Variants in RBMS3 observed in about 807,000 individuals in gnomAD.
The protein encoded by RBMS3 is RNA-binding motif, single-stranded-interacting protein 3.
In RBMS3, 27 loss-of-function variants were observed where a neutral mutation model predicts 66.8. That is an observed-to-expected ratio of 0.40 (90% CI 0.30 to 0.56). The LOEUF (loss-of-function observed/expected upper bound fraction) is 0.56. Among genes scored for constraint, RBMS3 ranks in the 20% least tolerant of loss-of-function variants. The pLI is 0.40. For missense variants in RBMS3, 513 were observed against 549.5 expected, an observed-to-expected ratio of 0.93 and a Z score of 0.66; for synonymous variants, 188 against 183.0, an observed-to-expected ratio of 1.03 and a Z score of -0.22.
intron 6 of RBMS3, among the ~76,000 whole-genome samples, chr3:29,821,506 G>A (rs1296221268): frequency 2.0e-5 from 3 of 152,132 alleles, no homozygotes; most frequent in Admixed American, 6.6e-5. Context: ...AAGCTGACAA[G>A]CATAGGCTTA....
chr3:29,603,018 A>G (rs1230555658), intron 4 of RBMS3, among the ~76,000 whole-genome samples: 2 of 151,958 alleles, frequency 1.3e-5, no homozygotes, highest in African/African-American at 2.4e-5. Context: ...TTATGTGACA[A>G]TTTGTAATTT....
chr3:29,975,036 TTATA>T (rs1463606416), intron 12 of RBMS3, among the ~76,000 whole-genome samples: 4 of 109,728 alleles, frequency 3.6e-5, no homozygotes, highest in East Asian at 3.1e-4. Flanking sequence ...GTTTCTATAT[TTATA>T]TATTTTATAT....
At chr3:29,396,236 A>G (rs2039542933) in intron 1 of RBMS3, among the ~76,000 whole-genome samples, 2 of 152,200 alleles carry the variant, frequency 1.3e-5, no homozygotes, top group African/African-American at 4.8e-5. Context: ...ACAAGGAAAC[A>G]TTAGATAAAT....
chr3:29,680,944 A>G (rs1182185270), intron 4 of RBMS3, among the ~76,000 whole-genome samples: 1 of 152,168 alleles, frequency 6.6e-6, no homozygotes, highest in Non-Finnish European at 1.5e-5. Flanking sequence ...TTAAAACCCT[A>G]TTGGAGAAAT....
intron 4 of RBMS3, among the ~76,000 whole-genome samples, chr3:29,723,185 T>C (rs12374029): frequency 0.57 from 86,480 of 151,648 alleles, 25,251 homozygotes; most frequent in African/African-American, 0.7. Context: ...CCATGTTGGC[T>C]AGGCTGGTCT....
At chr3:30,000,544 T>C (rs1473227015) in intron 14 of RBMS3, among the ~76,000 whole-genome samples, 2 of 152,170 alleles carry the variant, frequency 1.3e-5, no homozygotes, top group East Asian at 3.9e-4. Flanking sequence ...ACTGGGTATA[T>C]ACCCAAAGGA....
chr3:29,702,716 A>G (rs955889169), intron 4 of RBMS3, among the ~76,000 whole-genome samples: 3 of 152,074 alleles, frequency 2.0e-5, no homozygotes, highest in African/African-American at 7.2e-5. Context: ...GCACCGCCTC[A>G]AGAGCTGTAA....
chr3:29,383,304 G>C (rs754071041), intron 1 of RBMS3, among the ~76,000 whole-genome samples: 3 of 152,138 alleles, frequency 2.0e-5, no homozygotes, highest in East Asian at 1.9e-4. Context: ...GGTTTCTCTC[G>C]TCACTTGTCT....
At chr3:29,460,865 A>T (rs917070061) in intron 2 of RBMS3, among the ~76,000 whole-genome samples, 9 of 152,306 alleles carry the variant, frequency 5.9e-5, no homozygotes, top group Non-Finnish European at 1.2e-4. Context: ...AGGAGTTATT[A>T]ATTTAGGTTT....
At chr3:29,633,841 C>T (rs1392246637) in intron 4 of RBMS3, among the ~76,000 whole-genome samples, 1 of 151,804 alleles carries the variant, frequency 6.6e-6, no homozygotes, top group Non-Finnish European at 1.5e-5. Flanking sequence ...GACTTCCATT[C>T]CACATTTTAT....
At chr3:29,935,073 C>T (rs2061231220) in intron 10 of RBMS3, among the ~76,000 whole-genome samples, 1 of 152,048 alleles carries the variant, frequency 6.6e-6, no homozygotes, top group South Asian at 2.1e-4. Flanking sequence ...AAATATGTTT[C>T]TACTTTTATC....
rs755018550 is a variant in RBMS3 at position 30,009,744 on chromosome 3, C to T, written c.*5882C>T. 4 of 152,088 alleles carry T rather than the reference C, an allele frequency of 2.6e-5. No individual in the cohort carries two copies. Among genetic ancestry groups the T allele is most frequent in the African/African-American group, 7.2e-5 (3 of 41,430 alleles). 9.4% of individuals were successfully genotyped at this position (152,088 alleles called of 1,614,324 possible). On this transcript the variant is annotated 3_prime_UTR_variant, in exon 15 of 15. Transcript: ENST00000383767. Reference sequence around the variant, plus strand: ...TAAGGCCGAATGACTTTGACACCCCCGTGGATTATTTTTATGATCACATCA... The same window carrying T: ...TAAGGCCGAATGACTTTGACACCCCTGTGGATTATTTTTATGATCACATCA...
intron 8 of RBMS3, among the ~76,000 whole-genome samples, chr3:29,886,697 G>C (rs1029312757): frequency 1.1e-4 from 17 of 151,576 alleles, no homozygotes; most frequent in Admixed American, 3.3e-4. Context: ...AGCCTGGGGA[G>C]TAATTATTAT....
At chr3:29,979,438 T>C (rs183356087) in intron 12 of RBMS3, among the ~76,000 whole-genome samples, 1 of 152,288 alleles carries the variant, frequency 6.6e-6, no homozygotes, top group East Asian at 1.9e-4. Flanking sequence ...GAAGTTTAGC[T>C]AAGATTCACC....
intron 1 of RBMS3, among the ~76,000 whole-genome samples, chr3:29,369,655 A>G (rs2125598916): frequency 6.6e-6 from 1 of 151,992 alleles, no homozygotes; most frequent in East Asian, 2.0e-4. Flanking sequence ...AAGAGGGAAT[A>G]TAGGAAAGAC....
intron 1 of RBMS3, among the ~76,000 whole-genome samples, chr3:29,316,115 G>T (rs925138701): frequency 6.6e-6 from 1 of 151,602 alleles, no homozygotes; most frequent in Non-Finnish European, 1.5e-5. Flanking sequence ...CAGGAAAGAG[G>T]CCATCACTGC....
chr3:29,610,554 G>A (rs1285450076), intron 4 of RBMS3, among the ~76,000 whole-genome samples: 1 of 151,972 alleles, frequency 6.6e-6, no homozygotes, highest in Non-Finnish European at 1.5e-5. Flanking sequence ...GCCTGTCAAA[G>A]GCCTTAAAGC....
At chr3:29,716,909 G>GTACATA (rs55938048) in intron 4 of RBMS3, among the ~76,000 whole-genome samples, 81,804 of 151,248 alleles carry the variant, frequency 0.54, 22,707 homozygotes, top group African/African-American at 0.68. Flanking sequence ...AATCATTGTA[G>GTACATA]TACATGCATA....
intron 3 of RBMS3, among the ~76,000 whole-genome samples, chr3:29,555,506 G>A (rs1390493572): frequency 1.3e-5 from 2 of 152,076 alleles, no homozygotes; most frequent in African/African-American, 4.8e-5. Context: ...GATCTAGAAG[G>A]AATTAGAATA....
Sources: allele counts gnomAD v4.1 joint callset (sites outside exome capture counted in the v4.1 genomes callset), GRCh38; gene constraint gnomAD v4.1.1; transcripts MANE v1.5; gene names NCBI Gene and HGNC (gene_info 2026-07-23, HGNC 2026-07-21).